The following FRMD7 variants were observed in gnomAD, a reference collection of about 807,000 sequenced individuals.
FRMD7 encodes FERM domain containing 7.
Under a neutral mutation model 44.1 loss-of-function variants are expected in FRMD7, and 14 were observed. The ratio of observed to expected loss-of-function variants is 0.32; its 90% CI spans 0.21 to 0.50. FRMD7 has a LOEUF of 0.50. Ranked by LOEUF, FRMD7 falls within the 20% of genes least tolerant of loss-of-function variation. The pLI, the probability that FRMD7 is intolerant of heterozygous loss-of-function variation, is 0.99. For missense variants in FRMD7, 501 were observed against 522.3 expected (o/e 0.96, Z 0.40); for synonymous variants, 212 against 187.4 (o/e 1.13, Z -1.07).
chrX:132,112,880 C>T (rs1928813080), intron 1 of FRMD7, among the ~76,000 whole-genome samples: 1 of 111,594 alleles, frequency 9.0e-6, no homozygotes, highest in Admixed American at 9.5e-5. Context: ...TGCCTGAGGC[C>T]TTATGCAGGC....
At chrX:132,095,058 T>TTTTATTTA (rs10554395) in intron 4 of FRMD7, among the ~76,000 whole-genome samples, 9 of 91,309 alleles carry the variant, frequency 9.9e-5, no homozygotes, top group African/African-American at 1.6e-4. Context: ...GGTTCCAATA[T>TTTTATTTA]TTTATTTATT....
intron 4 of FRMD7, among the ~76,000 whole-genome samples, chrX:132,095,562 TG>T (rs1928307658): frequency 8.9e-6 from 1 of 112,145 alleles, no homozygotes; most frequent in African/African-American, 3.2e-5. Context: ...AAATCTAGAT[TG>T]AAAAAGCAAG....
At chrX:132,101,388 G>C (rs1448263864) in intron 1 of FRMD7, among the ~76,000 whole-genome samples, 1 of 112,119 alleles carries the variant, frequency 8.9e-6, no homozygotes, top group African/African-American at 3.2e-5. Flanking sequence ...CATCTCCCCA[G>C]AGAAGGTTTC....
chrX:132,106,383 G>C (rs1189651471), intron 1 of FRMD7, among the ~76,000 whole-genome samples: 1 of 111,842 alleles, frequency 8.9e-6, no homozygotes, highest in Non-Finnish European at 1.9e-5. Flanking sequence ...ATAGATGCTG[G>C]CAAGGTTGTG....
chrX:132,079,068 T>G, intron 11 of FRMD7, 102 bp from the exon 12 acceptor site: 1 of 668,581 alleles, frequency 1.5e-6, no homozygotes, highest in Non-Finnish European at 2.4e-6. Context: ...TAGTTTTTCA[T>G]AAAGTCATTT....
At chrX:132,094,193 GC>G in intron 4 of FRMD7, 54 bp from the exon 5 acceptor site, 1 of 744,306 alleles carries the variant, frequency 1.3e-6, no homozygotes, top group Non-Finnish European at 2.1e-6. Flanking sequence ...TAAGAAAGAA[GC>G]ATTTTCCTTC....
At chrX:132,118,548 C>A (rs775325103) in intron 1 of FRMD7, among the ~76,000 whole-genome samples, 1 of 111,809 alleles carries the variant, frequency 8.9e-6, no homozygotes. Flanking sequence ...CATGGCTCCA[C>A]CCTGTTCTCC....
At chrX:132,095,586 T>C in intron 4 of FRMD7, among the ~76,000 whole-genome samples, 1 of 112,143 alleles carries the variant, frequency 8.9e-6, no homozygotes, top group Non-Finnish European at 1.9e-5. Flanking sequence ...AATTAGCAGG[T>C]GATTATTCAG....
At chrX:132,108,899 G>T (rs1928711048) in intron 1 of FRMD7, among the ~76,000 whole-genome samples, 1 of 111,323 alleles carries the variant, frequency 9.0e-6, no homozygotes, top group African/African-American at 3.3e-5. Context: ...CGCCATGATT[G>T]TAAGTTTCCT....
chrX:132,102,025 G>A (rs903248041), intron 1 of FRMD7, among the ~76,000 whole-genome samples: 5 of 111,218 alleles, frequency 4.5e-5, no homozygotes, highest in Admixed American at 9.6e-5. Context: ...CCAGGCGCGG[G>A]GAAATGTAGT....
At chrX:132,086,140 A>G (rs1045932808) in intron 5 of FRMD7, 106 bp from the exon 6 acceptor site, 12 of 552,628 alleles carry the variant, frequency 2.2e-5, no homozygotes, top group South Asian at 1.6e-4. Context: ...CTTTGTAGCC[A>G]ATGCAGTCCA....
At chrX:132,120,856 G>A (rs1468928497) in intron 1 of FRMD7, among the ~76,000 whole-genome samples, 1 of 112,395 alleles carries the variant, frequency 8.9e-6, no homozygotes, top group Non-Finnish European at 1.9e-5. Flanking sequence ...GAACGACAGA[G>A]GAAGTTCAGT....
chrX:132,098,889 C>T (rs930587911), intron 3 of FRMD7, among the ~76,000 whole-genome samples: 1 of 111,528 alleles, frequency 9.0e-6, no homozygotes, highest in Middle Eastern at 4.6e-3. Context: ...GATACAACTC[C>T]GCCTGCCTCA....
Position 132,078,058 on chromosome X carries a change from A to G in FRMD7, c.1959T>C (p.Ser653=). The G allele has an allele frequency of 8.3e-7, 1 of 1,211,507 alleles. No individual in the cohort carries two copies. Among genetic ancestry groups the G allele is most frequent in the East Asian group, 3.0e-5 (1 of 33,821 alleles). ...AGTCTGGTTTAAGAATCTCTGATTCAGAATCACTGGATTCACTAGCTACAT... is the reference window on the plus strand; with the variant it reads ...AGTCTGGTTTAAGAATCTCTGATTCGGAATCACTGGATTCACTAGCTACAT... ...ERYVASESSD[S]ESEILKPDYY... is the part of the protein sequence containing the mutation. Residue 653 remains serine, a synonymous_variant, in exon 12 of 12, where the codon TCT becomes TCC. Transcript: ENST00000298542.
At position 132,094,313 on chromosome X, in the gene FRMD7, C is replaced by T. The variant is rs376110080; in HGVS notation, c.285-174G>A. ...CTTTGCTTCAGCCCCAAACCAGACCCGGACCACAACTCAGCTGATTGAACA... is the reference window on the plus strand; with the variant it reads ...CTTTGCTTCAGCCCCAAACCAGACCTGGACCACAACTCAGCTGATTGAACA... On this transcript the variant is annotated intron_variant, in intron 4 of 11. Transcript: ENST00000298542. The T allele has an allele frequency of 5.6e-5, 25 of 442,619 alleles. 1 individual carries two copies. Among genetic ancestry groups the T allele is most frequent in the East Asian group, 4.0e-4 (10 of 25,095 alleles). The allele number at this position is 442,619 out of a possible 1,213,427, so 36.5% of individuals were successfully genotyped here. A position where few individuals can be genotyped will look rare whatever the true frequency, so the allele number is the denominator to read the frequency against.
At chrX:132,084,146 A>G (rs1444898082) in intron 8 of FRMD7, among the ~76,000 whole-genome samples, 1 of 111,869 alleles carries the variant, frequency 8.9e-6, no homozygotes, top group Non-Finnish European at 1.9e-5. Context: ...ATAAAATGGA[A>G]CAGATAACAT....
chrX:132,105,151 G>C (rs995808463), intron 1 of FRMD7, among the ~76,000 whole-genome samples: 1 of 111,449 alleles, frequency 9.0e-6, no homozygotes, highest in Non-Finnish European at 1.9e-5. Context: ...GGAAATCATC[G>C]ATGACAGATT....
chrX:132,109,959 A>G (rs1264043526), intron 1 of FRMD7, among the ~76,000 whole-genome samples: 5 of 111,017 alleles, frequency 4.5e-5, no homozygotes, highest in African/African-American at 1.3e-4. Context: ...ATGTGAAGCC[A>G]TGTGCCTTGA....
At position 132,082,462 on chromosome X, in the gene FRMD7, T is replaced by C; in HGVS notation, c.806A>G (p.Lys269Arg). 1 of 1,211,013 alleles carries C rather than the reference T, an allele frequency of 8.3e-7. No homozygotes were observed. Among genetic ancestry groups the C allele is most frequent in the Non-Finnish European group, 1.1e-6 (1 of 894,420 alleles). ...GAAAGCATGGTATTCCACACAAGTCTTCCAGAAAGCCTTGCAGGCATCTCG... is the reference window on the plus strand; with the variant it reads ...GAAAGCATGGTATTCCACACAAGTCCTCCAGAAAGCCTTGCAGGCATCTCG... The part of the protein sequence containing the change: ...ASRDACKAFW[K>R]TCVEYHAFFR... The change falls in exon 9 of 12, where the codon AAG becomes AGG. Residue 269 changes from lysine (K) to arginine (R), a missense_variant. Around this residue, in one of 3 missense-constraint regions of FRMD7, gnomAD observed 453 missense variants for 452.7 expected, o/e 1.00. Coordinates refer to ENST00000298542, the MANE Select transcript of FRMD7 (RefSeq NM_194277.3).
Sources: gnomAD v4.1 joint callset for allele counts (sites outside exome capture counted in the v4.1 genomes callset) on GRCh38, gnomAD v4.1.1 for gene constraint, gnomAD v4.1.1 regional missense constraint, MANE v1.5 for transcripts, NCBI Gene and HGNC (gene_info 2026-07-23, HGNC 2026-07-21) for gene names.